The following MAPK8IP1 variants were observed in gnomAD, a reference collection of about 807,000 sequenced individuals.
MAPK8IP1 encodes the protein mitogen-activated protein kinase 8 interacting protein 1.
In MAPK8IP1, 17 loss-of-function variants were observed where a neutral mutation model predicts 72.6. The observed-to-expected ratio is 0.23, with a 90% CI of 0.16 to 0.35. MAPK8IP1 has a LOEUF of 0.35. MAPK8IP1 is among the 10% of genes least tolerant of loss of function. MAPK8IP1 has a pLI of 1.00. For missense variants in MAPK8IP1, 789 were observed against 1,009.7 expected (o/e 0.78, Z 2.96); for synonymous variants, 401 against 443.4 (o/e 0.90, Z 1.20).
intron 1 of MAPK8IP1, among the ~76,000 whole-genome samples, chr11:45,897,189 G>A (rs1472411663): frequency 6.6e-6 from 1 of 151,972 alleles, no homozygotes; most frequent in East Asian, 1.9e-4. Context: ...CTTCCTAAAT[G>A]TTCTACCCCC....
chr11:45,893,811 C>G (rs2086584199), intron 1 of MAPK8IP1, among the ~76,000 whole-genome samples: 1 of 152,214 alleles, frequency 6.6e-6, no homozygotes, highest in African/African-American at 2.4e-5. Flanking sequence ...CTTTTCCTCC[C>G]TCCTCCTTTC....
chr11:45,896,836 G>T (rs1291589745), intron 1 of MAPK8IP1: 2 of 1,547,604 alleles, frequency 1.3e-6, no homozygotes, highest in Non-Finnish European at 1.7e-6. Flanking sequence ...GCATGAGAGG[G>T]CAGCCCTGGG....
rs1344481354 is a variant in MAPK8IP1 at position 45,900,164 on chromosome 11, G to A, written c.234G>A (p.Ala78=). 10 of 1,307,450 alleles carry A rather than the reference G, an allele frequency of 7.6e-6. No homozygotes were observed. The highest frequency in any genetic ancestry group is 2.3e-5 in the South Asian group (1 of 43,914). 81.0% of individuals were successfully genotyped at this position (1,307,450 alleles called of 1,614,324 possible). ...CCCCGCGCGCCGGGCTGCTCTCTGCGGGCGGCGGCGGCGCGGGGAGCCGGT... is the reference window on the plus strand; with the variant it reads ...CCCCGCGCGCCGGGCTGCTCTCTGCAGGCGGCGGCGGCGCGGGGAGCCGGT... The part of the protein sequence containing the change: ...LRPPRAGLLS[A]GGGGAGSRLQ... Residue 78 remains alanine, a synonymous_variant, in exon 3 of 12, where the codon GCG becomes GCA. Coordinates refer to ENST00000241014, the MANE Select transcript of MAPK8IP1 (RefSeq NM_005456.4). This position sits in a 1 kb window ranked among gnomAD's most constrained non-coding sequence, Gnocchi z 6.5.
Position 45,904,959 on chromosome 11 carries a change from TC to T in MAPK8IP1, c.1894-9del, listed in dbSNP as rs1244848333. 6.2e-7 allele frequency: 1 copy of T among 1,613,646 alleles called. No individual in the cohort carries two copies. The highest frequency in any genetic ancestry group is 2.2e-5 in the East Asian group (1 of 44,894). On this transcript the variant is annotated splice_polypyrimidine_tract_variant and intron_variant, in intron 9 of 11. Coordinates refer to ENST00000241014, the MANE Select transcript of MAPK8IP1 (RefSeq NM_005456.4). The surrounding 1 kb of genome is among the most constrained non-coding windows in gnomAD (Gnocchi z 6.4). ...GGTGACCGCCCTCTTGCTTCTTTTC[TC>T]CCTCCTGTAGGGGAATAAATGTAGC...
At chr11:45,896,068 A>G (rs1250563305) in intron 1 of MAPK8IP1, among the ~76,000 whole-genome samples, 1 of 152,116 alleles carries the variant, frequency 6.6e-6, no homozygotes, top group Non-Finnish European at 1.5e-5. Flanking sequence ...AGGGGCCTCC[A>G]GGTTCTGTTT....
At chr11:45,887,576 C>T (rs1436754380) in intron 1 of MAPK8IP1, among the ~76,000 whole-genome samples, 3 of 152,260 alleles carry the variant, frequency 2.0e-5, no homozygotes, top group East Asian at 1.9e-4. Context: ...GTCCACTCTA[C>T]GTCCCAGCCC....
chr11:45,902,053 T>C lies in MAPK8IP1; in HGVS notation c.596T>C (p.Leu199Pro). Reference sequence around the variant, plus strand: ...CGGGTGTCTCGATCATCCTCACCCCTGAAGACAGGTAAGTCAGGGCCCTCT... The same window carrying C: ...CGGGTGTCTCGATCATCCTCACCCCCGAAGACAGGTAAGTCAGGGCCCTCT... The part of the protein sequence containing the change: ...QDRVSRSSSP[L>P]KTGEQTPPHE... The change falls in exon 4 of 12, where the codon CTG becomes CCG. Residue 199 changes from leucine to proline, a missense_variant. Leu to Pro is a moderately conservative substitution (Grantham distance 98). Around this residue, in one of 4 missense-constraint regions of MAPK8IP1, gnomAD observed 112 missense variants for 192.8 expected, o/e 0.58. Transcript: ENST00000241014. The surrounding 1 kb of genome is among the most constrained non-coding windows in gnomAD (Gnocchi z 9.3). 6.2e-7 allele frequency: 1 copy of C among 1,613,942 alleles called. No individual in the cohort carries two copies. Among genetic ancestry groups the C allele is most frequent in the Non-Finnish European group, 8.5e-7 (1 of 1,179,860 alleles).
chr11:45,897,781 A>C (rs2086619667), intron 1 of MAPK8IP1, among the ~76,000 whole-genome samples: 1 of 152,146 alleles, frequency 6.6e-6, no homozygotes, highest in African/African-American at 2.4e-5. Context: ...GGAGGCTCTG[A>C]CCAGTTGGGC....
Position 45,905,629 on chromosome 11 carries a change from G to T in MAPK8IP1, c.2064-20G>T, listed in dbSNP as rs202204696. 12 of 1,610,852 alleles carry T rather than the reference G, an allele frequency of 7.4e-6. No individual in the cohort carries two copies. In the South Asian group the frequency reaches 1.1e-4, roughly 15 times the overall value. On this transcript the variant is annotated intron_variant, in intron 11 of 11. Coordinates refer to ENST00000241014, the MANE Select transcript of MAPK8IP1 (RefSeq NM_005456.4). ...TTGCCAGTGGCGATCTGAGCCATCT[G>T]TGTGTCCCCTGGCTTCTAGGAGAGC...
chr11:45,905,849 G>C lies in MAPK8IP1; in HGVS notation c.*128G>C. 1.1e-6 allele frequency: 1 copy of C among 909,952 alleles called. No homozygotes were observed. The highest frequency in any genetic ancestry group is 1.8e-6 in the Non-Finnish European group (1 of 556,300). 56.4% of individuals were successfully genotyped at this position (909,952 alleles called of 1,614,324 possible). ...GCCAGAGGACAAGGAAGTGGGGGCCGCTGGCCCAGGGTAGGGGAGGGTGGG... is the reference window on the plus strand; with the variant it reads ...GCCAGAGGACAAGGAAGTGGGGGCCCCTGGCCCAGGGTAGGGGAGGGTGGG... On this transcript the variant is annotated 3_prime_UTR_variant, in exon 12 of 12. Coordinates refer to ENST00000241014, the MANE Select transcript of MAPK8IP1 (RefSeq NM_005456.4).
intron 11 of MAPK8IP1, 79 bp from the exon 12 acceptor site, chr11:45,905,570 C>T (rs2086701342): frequency 4.5e-6 from 6 of 1,322,876 alleles, no homozygotes; most frequent in Middle Eastern, 1.8e-4. Flanking sequence ...AAGGCTCCAG[C>T]GGGAAAACCC....
rs1345885082 is a variant in MAPK8IP1 at position 45,902,384 on chromosome 11, C to T, written c.617C>T (p.Pro206Leu). The T allele has an allele frequency of 1.9e-6, 3 of 1,567,898 alleles. No individual in the cohort carries two copies. The highest frequency in any genetic ancestry group is 1.3e-5 in the African/African-American group (1 of 74,094). Residue 206 changes from proline to leucine, a missense_variant, in exon 5 of 12, where the codon CCA becomes CTA. Physicochemically the swap from Pro to Leu is moderately conservative, Grantham distance 98. Around this residue, in one of 4 missense-constraint regions of MAPK8IP1, gnomAD observed 377 missense variants for 411.7 expected, o/e 0.92. Coordinates refer to ENST00000241014, the MANE Select transcript of MAPK8IP1 (RefSeq NM_005456.4). The surrounding 1 kb of genome is among the most constrained non-coding windows in gnomAD (Gnocchi z 9.3). ...GCCTGCTCTCCAGGGGAGCAGACAC[C>T]ACCGCATGAACACATCTGCCTGAGC... ...SSPLKTGEQT[P>L]PHEHICLSDE...
Position 45,904,461 on chromosome 11 carries a change from C to T in MAPK8IP1, c.1673C>T (p.Ala558Val). The change falls in exon 8 of 12, where the codon GCC becomes GTC. Residue 558 changes from alanine (A) to valine (V), a missense_variant. Ala to Val is a moderately conservative substitution (Grantham distance 64). This residue lies in a region of MAPK8IP1 where 188 missense variants were observed against 293.3 expected (regional missense o/e 0.64). Transcript: ENST00000241014. This position sits in a 1 kb window ranked among gnomAD's most constrained non-coding sequence, Gnocchi z 6.4. ...TKEPEHMAAL[A>V]KNSDWVDQFR... is the part of the protein sequence containing the mutation. ...ATTCACGCTTGCTTTCCAGCCCTGG[C>T]CAAAAACAGTGACTGGGTGGACCAG... The T allele has an allele frequency of 6.2e-7, 1 of 1,613,848 alleles. No homozygotes were observed. The highest frequency in any genetic ancestry group is 8.5e-7 in the Non-Finnish European group (1 of 1,179,890).
Position 45,903,476 on chromosome 11 carries a change from GC to G in MAPK8IP1, c.1493+37del. 1 of 1,572,008 alleles carries G rather than the reference GC, an allele frequency of 6.4e-7. No homozygotes were observed. Among genetic ancestry groups the G allele is most frequent in the South Asian group, 1.1e-5 (1 of 87,776 alleles). ...TGGGCTGGCTGGGCCTAGCCAGGCA[GC>G]AGTTTGGGCCACACACCACCCTCTA... On this transcript the variant is annotated intron_variant, in intron 6 of 11. Transcript: ENST00000241014. This position sits in a 1 kb window ranked among gnomAD's most constrained non-coding sequence, Gnocchi z 6.4.
chr11:45,889,478 G>T (rs757887743), intron 1 of MAPK8IP1, among the ~76,000 whole-genome samples: 2 of 152,174 alleles, frequency 1.3e-5, no homozygotes, highest in Non-Finnish European at 2.9e-5. Context: ...CTAGAAAAGA[G>T]AATTTAGAAA....
chr11:45,887,919 C>G (rs191063417), intron 1 of MAPK8IP1, among the ~76,000 whole-genome samples: 1 of 152,352 alleles, frequency 6.6e-6, no homozygotes, highest in East Asian at 1.9e-4. Context: ...TCCACTTAAC[C>G]CTGGGTGGGT....
At chr11:45,905,390 G>A (rs1008201214) in intron 11 of MAPK8IP1, 141 bp downstream of exon 11, 2 of 879,444 alleles carry the variant, frequency 2.3e-6, no homozygotes, top group Admixed American at 2.0e-5. Context: ...AGTGCGGGTG[G>A]CCTGGAGGGA....
chr11:45,889,056 G>A (rs973011856), intron 1 of MAPK8IP1, among the ~76,000 whole-genome samples: 1 of 152,180 alleles, frequency 6.6e-6, no homozygotes, highest in Non-Finnish European at 1.5e-5. Context: ...TGGACCAGAA[G>A]TGTTTCAGAT....
chr11:45,902,926 G>A lies in MAPK8IP1; in HGVS notation c.1159G>A (p.Glu387Lys). ...DSVKYTLVVD[E>K]HAQLELVSLR... ...TGTCAAGTACACGCTGGTGGTAGATGAGCATGCACAGCTGGAGCTGGTGAG... is the reference window on the plus strand; with the variant it reads ...TGTCAAGTACACGCTGGTGGTAGATAAGCATGCACAGCTGGAGCTGGTGAG... Residue 387 changes from glutamate (E) to lysine (K), a missense_variant, in exon 5 of 12, where the codon GAG (glutamate) becomes AAG (lysine). Glu to Lys is a moderately conservative substitution (Grantham distance 56). This residue lies in a region of MAPK8IP1 where 377 missense variants were observed against 411.7 expected (regional missense o/e 0.92). Transcript: ENST00000241014. This position sits in a 1 kb window ranked among gnomAD's most constrained non-coding sequence, Gnocchi z 9.3. 6.2e-7 allele frequency: 1 copy of A among 1,611,042 alleles called. No homozygotes were observed. Among genetic ancestry groups the A allele is most frequent in the Non-Finnish European group, 8.5e-7 (1 of 1,179,248 alleles).
Sources: gnomAD v4.1 joint callset for allele counts (sites outside exome capture counted in the v4.1 genomes callset) on GRCh38, gnomAD v4.1.1 for gene constraint, gnomAD v4.1.1 regional missense constraint, Gnocchi (gnomAD v3.1) non-coding constraint, MANE v1.5 for transcripts, NCBI Gene and HGNC (gene_info 2026-07-23, HGNC 2026-07-21) for gene names.